Variants in PTPRD observed in about 807,000 individuals in gnomAD.
PTPRD encodes the protein protein tyrosine phosphatase receptor type D.
A neutral mutation model predicts 214.5 loss-of-function variants in PTPRD; 34 were observed. The ratio of observed to expected loss-of-function variants is 0.16; its 90% CI spans 0.12 to 0.21. The LOEUF is 0.21. Ranked by LOEUF, PTPRD falls within the 10% of genes least tolerant of loss-of-function variation. The pLI, the probability that PTPRD is intolerant of heterozygous loss-of-function variation, is 1.00. For missense variants in PTPRD, 2,545 were observed against 2,398.7 expected (o/e 1.06, Z -1.27); for synonymous variants, 1,128 against 845.7 (o/e 1.33, Z -5.79).
At chr9:8,926,081 C>G (rs1029548018) in intron 11 of PTPRD, among the ~76,000 whole-genome samples, 1 of 151,958 alleles carries the variant, frequency 6.6e-6, no homozygotes, top group Non-Finnish European at 1.5e-5. Context: ...CCTCATCACA[C>G]GATTTCTAGT....
Position 9,395,228 on chromosome 9 carries a change from C to T in PTPRD, c.-203+2221G>A, listed in dbSNP as rs544846700. Among the ~76,000 whole-genome samples the T allele has an allele frequency of 5.1e-4, 77 of 151,380 alleles. 1 individual carries two copies. Among genetic ancestry groups the T allele is most frequent in the Non-Finnish European group, 9.9e-4 (67 of 67,872 alleles). On this transcript the variant is annotated intron_variant, in intron 9 of 45. Transcript: ENST00000381196. ...TATGGGGTCTAATAGGTCCTTGCTA[C>T]TCAAAGTGTGATCCACAAAGCAGCA... is the stretch of plus-strand genomic sequence containing the variant.
chr9:10,199,801 T>C (rs1241506638), intron 3 of PTPRD, among the ~76,000 whole-genome samples: 1 of 151,924 alleles, frequency 6.6e-6, no homozygotes, highest in African/African-American at 2.4e-5. Context: ...TTTGATCTCC[T>C]ATCTTTCCAA....
intron 3 of PTPRD, among the ~76,000 whole-genome samples, chr9:10,147,605 C>T (rs1306359085): frequency 6.6e-6 from 1 of 152,162 alleles, no homozygotes; most frequent in African/African-American, 2.4e-5. Context: ...GCTGGCTGGG[C>T]ACAGCGGCTC....
chr9:9,493,584 C>T (rs186381211), intron 8 of PTPRD, among the ~76,000 whole-genome samples: 1 of 151,908 alleles, frequency 6.6e-6, no homozygotes, highest in East Asian at 2.0e-4. Flanking sequence ...GTCAGGAGAT[C>T]GAGACCATTC....
At chr9:8,940,693 C>T (rs16928642) in intron 11 of PTPRD, among the ~76,000 whole-genome samples, 3,159 of 151,958 alleles carry the variant, frequency 0.021, 155 homozygotes, top group East Asian at 0.16. Context: ...AATGGTTGAC[C>T]TGCTGGTTGG....
intron 11 of PTPRD, among the ~76,000 whole-genome samples, chr9:8,959,770 A>T (rs2099149587): frequency 2.0e-5 from 3 of 152,050 alleles, no homozygotes. Flanking sequence ...AAGTTTCATG[A>T]TCTTGAAAAC....
At chr9:8,427,959 G>C (rs1176620497) in intron 35 of PTPRD, among the ~76,000 whole-genome samples, 1 of 152,068 alleles carries the variant, frequency 6.6e-6, no homozygotes, top group Non-Finnish European at 1.5e-5. Flanking sequence ...CTGAGTACTG[G>C]TGTCAGGAAA....
At chr9:8,416,113 T>A (rs1275811590) in intron 35 of PTPRD, among the ~76,000 whole-genome samples, 1 of 152,140 alleles carries the variant, frequency 6.6e-6, no homozygotes, top group Non-Finnish European at 1.5e-5. Context: ...ATACAATCAT[T>A]TAAAATAACT....
intron 11 of PTPRD, among the ~76,000 whole-genome samples, chr9:9,015,432 T>C (rs112607311): frequency 6.6e-6 from 1 of 152,126 alleles, no homozygotes; most frequent in African/African-American, 2.4e-5. Flanking sequence ...ACAAATGCCA[T>C]GGGAATGCCA....
At chr9:10,214,006 T>C (rs994464542) in intron 3 of PTPRD, among the ~76,000 whole-genome samples, 6 of 152,064 alleles carry the variant, frequency 3.9e-5, no homozygotes, top group Admixed American at 3.9e-4. Context: ...CCCACAATTA[T>C]CTATCAACAG....
chr9:9,596,910 G>A (rs1288790081), intron 7 of PTPRD, among the ~76,000 whole-genome samples: 1 of 151,964 alleles, frequency 6.6e-6, no homozygotes, highest in Non-Finnish European at 1.5e-5. Flanking sequence ...AAAATTTATT[G>A]TTGGTGAAAC....
intron 3 of PTPRD, among the ~76,000 whole-genome samples, chr9:10,291,722 C>T (rs2093926078): frequency 6.6e-6 from 1 of 151,996 alleles, no homozygotes; most frequent in Admixed American, 6.6e-5. Context: ...CACAGTGAAA[C>T]TTATTTCAGA....
chr9:8,850,017 C>T (rs868754193), intron 11 of PTPRD, among the ~76,000 whole-genome samples: 2 of 151,922 alleles, frequency 1.3e-5, no homozygotes, highest in Admixed American at 1.3e-4. Flanking sequence ...TACAAAATTG[C>T]CTGAGGATAA....
At chr9:9,825,362 CAGAG>C (rs913635908) in intron 5 of PTPRD, among the ~76,000 whole-genome samples, 4 of 147,884 alleles carry the variant, frequency 2.7e-5, no homozygotes, top group East Asian at 4.0e-4. Flanking sequence ...CAAAGAGACA[CAGAG>C]AGAGACACAG....
chr9:9,579,275 A>C (rs2154310352), intron 7 of PTPRD, among the ~76,000 whole-genome samples: 1 of 152,144 alleles, frequency 6.6e-6, no homozygotes, highest in African/African-American at 2.4e-5. Flanking sequence ...GAAGTGTGTC[A>C]AAGTCTTTAA....
rs777414974 is a variant in PTPRD at position 8,437,211 on chromosome 9, G to A, written c.3989-522C>T. On this transcript the variant is annotated intron_variant, in intron 34 of 45. Transcript: ENST00000381196. ...AGGAAAACTAACTTGAAGAATGAAG[G>A]TTACCAGGGTAACCGGAATCATCTG... is the stretch of plus-strand genomic sequence containing the variant. 4.6e-6 allele frequency: 7 copies of A among 1,521,452 alleles called. No individual in the cohort carries two copies. The African/African-American group carries it at 5.5e-5, about 12-fold the overall frequency. The allele number at this position is 1,521,452 out of a possible 1,614,324, so 94.2% of individuals were successfully genotyped here.
intron 8 of PTPRD, among the ~76,000 whole-genome samples, chr9:9,537,059 A>T (rs2076669185): frequency 6.6e-6 from 1 of 151,710 alleles, no homozygotes; most frequent in Admixed American, 6.6e-5. Flanking sequence ...TCTCAATACC[A>T]CTGCTTTTCC....
intron 2 of PTPRD, among the ~76,000 whole-genome samples, chr9:10,466,083 T>G (rs1304160789): frequency 6.6e-6 from 1 of 152,222 alleles, no homozygotes; most frequent in Non-Finnish European, 1.5e-5. Flanking sequence ...ACTACTGTGA[T>G]GCCTCTTGCC....
At chr9:10,272,119 G>C (rs571254979) in intron 3 of PTPRD, among the ~76,000 whole-genome samples, 1 of 152,014 alleles carries the variant, frequency 6.6e-6, no homozygotes, top group African/African-American at 2.4e-5. Context: ...CCCAGCAGTA[G>C]CCAATCATAA....
Sources: allele counts gnomAD v4.1 joint callset (sites outside exome capture counted in the v4.1 genomes callset), GRCh38; gene constraint gnomAD v4.1.1; transcripts MANE v1.5; gene names NCBI Gene and HGNC (gene_info 2026-07-23, HGNC 2026-07-21).